Variants in ACTN1 observed in about 807,000 individuals in gnomAD.
ACTN1 encodes the protein actinin alpha 1, also known as alpha-actinin-1.
In ACTN1, 30 loss-of-function variants were observed where a neutral mutation model predicts 119.6. The ratio of observed to expected loss-of-function variants is 0.25; its 90% CI spans 0.19 to 0.34. The LOEUF is 0.34. Ranked by LOEUF, ACTN1 falls within the 10% of genes least tolerant of loss-of-function variation. The probability of loss-of-function intolerance (pLI) is 1.00; values close to 1 mark genes in which losing one functional copy is unlikely to be tolerated. For missense variants in ACTN1, 764 were observed against 1,223.4 expected, an observed-to-expected ratio of 0.62 and a Z score of 5.60; for synonymous variants, 429 against 472.6, an observed-to-expected ratio of 0.91 and a Z score of 1.20.
chr14:68,930,782 G>C (rs1752297735), intron 1 of ACTN1, among the ~76,000 whole-genome samples: 1 of 152,180 alleles, frequency 6.6e-6, no homozygotes, highest in South Asian at 2.1e-4. Context: ...GAGTCAATGA[G>C]ACAGTCCACT....
chr14:68,975,482 G>C (rs990442821), intron 1 of ACTN1, among the ~76,000 whole-genome samples: 10 of 152,148 alleles, frequency 6.6e-5, no homozygotes, highest in African/African-American at 2.4e-4. Context: ...ACTTGCCCAA[G>C]GTCACAAGCC....
intron 8 of ACTN1, among the ~76,000 whole-genome samples, chr14:68,901,988 C>T (rs897982427): frequency 9.2e-5 from 14 of 152,252 alleles, no homozygotes; most frequent in Non-Finnish European, 2.1e-4. Context: ...GACAGATCTG[C>T]TAAGTCATGC....
At chr14:68,875,074 G>T in intron 21 of ACTN1, 57 bp from the exon 22 acceptor site, 1 of 1,601,030 alleles carries the variant, frequency 6.2e-7, no homozygotes, top group South Asian at 1.1e-5. Context: ...AAAGCGGCGC[G>T]GCCCGACACA....
intron 14 of ACTN1, chr14:68,883,412 T>G (rs1275818020): frequency 4.6e-6 from 1 of 215,796 alleles, no homozygotes; most frequent in Non-Finnish European, 9.3e-6. Context: ...ATTCTGCAAC[T>G]GCATGAAAGA....
chr14:68,957,864 G>A (rs2036402137), intron 1 of ACTN1, among the ~76,000 whole-genome samples: 1 of 152,176 alleles, frequency 6.6e-6, no homozygotes, highest in Admixed American at 6.5e-5. Flanking sequence ...TGAAGAGAGG[G>A]AAGTGAGAGA....
At chr14:68,903,739 C>T (rs544026614) in intron 7 of ACTN1, among the ~76,000 whole-genome samples, 26 of 152,250 alleles carry the variant, frequency 1.7e-4, no homozygotes, top group African/African-American at 6.0e-4. Context: ...CCCAGCCTGA[C>T]CCCAGCCTGG....
At chr14:68,941,736 G>A (rs904689226) in intron 1 of ACTN1, among the ~76,000 whole-genome samples, 2 of 152,128 alleles carry the variant, frequency 1.3e-5, no homozygotes, top group African/African-American at 2.4e-5. Flanking sequence ...CAAAAAGAAC[G>A]ACTCCAGGAC....
At chr14:68,914,409 T>C (rs939441842) in intron 3 of ACTN1, among the ~76,000 whole-genome samples, 15 of 152,216 alleles carry the variant, frequency 9.9e-5, no homozygotes, top group African/African-American at 3.6e-4. Context: ...ACAAGAATGT[T>C]CAATCTCACT....
intron 11 of ACTN1, chr14:68,888,260 C>A (rs890763124): frequency 2.9e-6 from 1 of 340,636 alleles, no homozygotes; most frequent in Admixed American, 4.4e-5. Flanking sequence ...GAACTGAATA[C>A]ATGTGGCCAA....
intron 1 of ACTN1, among the ~76,000 whole-genome samples, chr14:68,959,774 T>C (rs1220130889): frequency 6.6e-6 from 1 of 152,178 alleles, no homozygotes; most frequent in Non-Finnish European, 1.5e-5. Context: ...GGATAGTTAC[T>C]ATTTCTAATA....
chr14:68,878,819 G>T lies in ACTN1; in HGVS notation c.2361+170C>A. The T allele has an allele frequency of 6.3e-7, 1 of 1,592,046 alleles. No individual in the cohort carries two copies. The highest frequency in any genetic ancestry group is 8.5e-7 in the Non-Finnish European group (1 of 1,176,600). On this transcript the variant is annotated intron_variant, in intron 19 of 21. Transcript: ENST00000394419. The surrounding 1 kb of genome is among the most constrained non-coding windows in gnomAD (Gnocchi z 4.4). ...AGGTTGCCATGAAAGACAGCAGAGG[G>T]CAGAGGGTGGACCAGTGATGGGGCA...
intron 8 of ACTN1, 56 bp from the exon 9 acceptor site, chr14:68,893,803 G>C: frequency 6.4e-7 from 1 of 1,552,066 alleles, no homozygotes; most frequent in Non-Finnish European, 8.8e-7. Context: ...AGGGGCACCT[G>C]GTACACACCT....
At chr14:68,945,163 C>CAAAAAAA (rs11408138) in intron 1 of ACTN1, among the ~76,000 whole-genome samples, 2 of 120,100 alleles carry the variant, frequency 1.7e-5, no homozygotes, top group African/African-American at 6.5e-5. Context: ...GACTCCGGTT[C>CAAAAAAA]AAAAAAAAAA....
chr14:68,878,106 T>G lies in ACTN1; in HGVS notation c.2427+352A>C. 4.5e-6 allele frequency: 1 copy of G among 220,046 alleles called. No homozygotes were observed. Among genetic ancestry groups the G allele is most frequent in the Non-Finnish European group, 9.1e-6 (1 of 110,386 alleles). The allele number at this position is 220,046 out of a possible 1,614,324, so 13.6% of individuals were successfully genotyped here. ...ACAGAGGTGGAAGTCTCGGTTTCCATGCTCCATGTGAGGTGACGCATGCCA... is the reference window on the plus strand; with the variant it reads ...ACAGAGGTGGAAGTCTCGGTTTCCAGGCTCCATGTGAGGTGACGCATGCCA... On this transcript the variant is annotated intron_variant, in intron 20 of 21. Coordinates refer to ENST00000394419, the MANE Select transcript of ACTN1 (RefSeq NM_001130004.2). This position sits in a 1 kb window ranked among gnomAD's most constrained non-coding sequence, Gnocchi z 4.4.
intron 1 of ACTN1, among the ~76,000 whole-genome samples, chr14:68,975,275 A>C (rs956026417): frequency 6.6e-6 from 1 of 152,238 alleles, no homozygotes; most frequent in African/African-American, 2.4e-5. Context: ...AGTATTGATT[A>C]AGTTCCTACA....
At chr14:68,962,266 C>T (rs1011639263) in intron 1 of ACTN1, among the ~76,000 whole-genome samples, 1 of 152,156 alleles carries the variant, frequency 6.6e-6, no homozygotes, top group Non-Finnish European at 1.5e-5. Context: ...CTCAAATTCC[C>T]GCCTAGCCTT....
At chr14:68,964,496 G>A (rs892706147) in intron 1 of ACTN1, among the ~76,000 whole-genome samples, 1 of 152,156 alleles carries the variant, frequency 6.6e-6, no homozygotes, top group Admixed American at 6.5e-5. Flanking sequence ...TCTCCAGTCA[G>A]GGCTGACAGC....
At chr14:68,962,848 TA>T (rs2036584133) in intron 1 of ACTN1, among the ~76,000 whole-genome samples, 1 of 152,098 alleles carries the variant, frequency 6.6e-6, no homozygotes. Context: ...TATATTGGTC[TA>T]TAATCCTCTC....
chr14:68,884,969 G>T, intron 12 of ACTN1, 86 bp from the exon 13 acceptor site: 1 of 1,140,378 alleles, frequency 8.8e-7, no homozygotes, highest in Non-Finnish European at 1.3e-6. Context: ...CAGTGGGGTG[G>T]CTGGTGGTGC....
Sources: allele counts gnomAD v4.1 joint callset (sites outside exome capture counted in the v4.1 genomes callset), GRCh38; gene constraint gnomAD v4.1.1; non-coding constraint Gnocchi (gnomAD v3.1); transcripts MANE v1.5; gene names NCBI Gene and HGNC (gene_info 2026-07-23, HGNC 2026-07-21).